The following CADM2 variants were observed in gnomAD, a reference collection of about 807,000 sequenced individuals.
The protein encoded by CADM2 is immunoglobulin superfamily member 4D.
A neutral mutation model predicts 49.8 loss-of-function variants in CADM2; 12 were observed. That is an observed-to-expected ratio of 0.24 (90% CI 0.15 to 0.39). The LOEUF (loss-of-function observed/expected upper bound fraction) is 0.39. Among genes scored for constraint, CADM2 ranks in the 10% least tolerant of loss-of-function variants. The pLI, the probability that CADM2 is intolerant of heterozygous loss-of-function variation, is 1.00. For missense variants in CADM2, 378 were observed against 492.3 expected (o/e 0.77, Z 2.20); for synonymous variants, 214 against 175.4 (o/e 1.22, Z -1.74).
At chr3:86,027,238 T>C (rs1734010216) in intron 8 of CADM2, among the ~76,000 whole-genome samples, 1 of 152,184 alleles carries the variant, frequency 6.6e-6, no homozygotes, top group African/African-American at 2.4e-5. Flanking sequence ...GTTTATGCTC[T>C]TAGATTTTCT....
At chr3:85,181,872 T>C (rs1209956862) in intron 1 of CADM2, among the ~76,000 whole-genome samples, 3 of 149,664 alleles carry the variant, frequency 2.0e-5, no homozygotes, top group Non-Finnish European at 3.0e-5. Flanking sequence ...TAATTTACCG[T>C]GTAAGAATTG....
intron 1 of CADM2, among the ~76,000 whole-genome samples, chr3:85,505,797 T>G (rs2040324497): frequency 6.6e-6 from 1 of 152,216 alleles, no homozygotes; most frequent in Non-Finnish European, 1.5e-5. Flanking sequence ...ATGCAGTAAT[T>G]GATTTTCCAT....
chr3:85,066,444 C>T (rs1447329687), intron 1 of CADM2, among the ~76,000 whole-genome samples: 1 of 151,820 alleles, frequency 6.6e-6, no homozygotes, highest in Non-Finnish European at 1.5e-5. Context: ...ATTGGGGGTT[C>T]AAACTGTTGA....
At chr3:85,805,057 C>T (rs1282708337) in intron 3 of CADM2, among the ~76,000 whole-genome samples, 1 of 152,128 alleles carries the variant, frequency 6.6e-6, no homozygotes, top group Non-Finnish European at 1.5e-5. Context: ...TCTCCTGCCT[C>T]AGCCTCCTGA....
rs1373079023 is a variant in CADM2 at position 85,789,959 on chromosome 3, A to T, written c.89-12088A>T. ...TAAAAATCTGATAATGTTTTAAGAC[A>T]TGCTAAAGCAATGCAGCCACTGGGT... On this transcript the variant is annotated intron_variant, in intron 2 of 9. Coordinates refer to ENST00000383699, the MANE Select transcript of CADM2 (RefSeq NM_001167675.2). 2.0e-5 allele frequency among the ~76,000 whole-genome samples: 3 copies of T among 152,318 alleles called. No homozygotes were observed. In the South Asian group the frequency reaches 6.2e-4, roughly 32 times the overall value.
chr3:85,333,665 A>G (rs2044999447), intron 1 of CADM2, among the ~76,000 whole-genome samples: 1 of 151,806 alleles, frequency 6.6e-6, no homozygotes, highest in Non-Finnish European at 1.5e-5. Flanking sequence ...TTGCTATTTA[A>G]AATAGTTTTC....
intron 8 of CADM2, among the ~76,000 whole-genome samples, chr3:86,036,372 C>T (rs933112182): frequency 5.3e-5 from 8 of 152,082 alleles, no homozygotes; most frequent in African/African-American, 1.9e-4. Context: ...TACCATTCTT[C>T]TGAGTTGTGT....
intron 1 of CADM2, among the ~76,000 whole-genome samples, chr3:85,132,301 A>G: frequency 6.6e-6 from 1 of 152,162 alleles, no homozygotes; most frequent in East Asian, 1.9e-4. Context: ...GTGACTACCT[A>G]AGGAAACCTT....
In CADM2 at chr3:85,085,620, C is replaced by G. The variant is rs189715090; in HGVS notation, c.61+125952C>G. Reference sequence around the variant, plus strand: ...CGTGCTACTTTGCTGCATATCACTTCTTAGTTAGTTTTTCTTTACAAGTCT... The same window carrying G: ...CGTGCTACTTTGCTGCATATCACTTGTTAGTTAGTTTTTCTTTACAAGTCT... On this transcript the variant is annotated intron_variant, in intron 1 of 9. Transcript: ENST00000383699. Among the ~76,000 whole-genome samples the G allele has an allele frequency of 8.5e-5, 13 of 152,196 alleles. No homozygotes were observed. The East Asian group carries it at 2.3e-3, about 27-fold the overall frequency.
In CADM2 at chr3:85,160,500, C is replaced by T. The variant is rs1042773719; in HGVS notation, c.61+200832C>T. Among the ~76,000 whole-genome samples the T allele has an allele frequency of 3.3e-5, 5 of 152,192 alleles. No individual in the cohort carries two copies. In the South Asian group the frequency reaches 8.3e-4, roughly 25 times the overall value. On this transcript the variant is annotated intron_variant, in intron 1 of 9. Coordinates refer to ENST00000383699, the MANE Select transcript of CADM2 (RefSeq NM_001167675.2). ...CCTTCATTCACATCTACAGTAGGGT[C>T]TCCTCTAAGATTATCTATTTGTTGC...
At chr3:85,979,301 G>A (rs777537371) in intron 8 of CADM2, 7 of 1,607,270 alleles carry the variant, frequency 4.4e-6, no homozygotes, top group African/African-American at 1.3e-5. Flanking sequence ...ATGTTTCTTT[G>A]TTATAGCCTG....
chr3:85,120,340 C>T (rs2038808129), intron 1 of CADM2, among the ~76,000 whole-genome samples: 1 of 152,110 alleles, frequency 6.6e-6, no homozygotes, highest in South Asian at 2.1e-4. Flanking sequence ...TGGGTATATA[C>T]CCAAAGGATT....
chr3:85,142,509 T>C (rs2039607724), intron 1 of CADM2, among the ~76,000 whole-genome samples: 1 of 152,218 alleles, frequency 6.6e-6, no homozygotes, highest in Admixed American at 6.5e-5. Flanking sequence ...AAGCCTTTCC[T>C]CCATCCTCAT....
intron 8 of CADM2, among the ~76,000 whole-genome samples, chr3:85,972,733 T>A (rs1726303752): frequency 6.6e-6 from 1 of 151,720 alleles, no homozygotes; most frequent in South Asian, 2.1e-4. Flanking sequence ...GAAAAGCTCG[T>A]TATTGGAAAA....
At chr3:85,953,603 T>C (rs139929532) in intron 7 of CADM2, among the ~76,000 whole-genome samples, 88 of 151,104 alleles carry the variant, frequency 5.8e-4, no homozygotes, top group African/African-American at 2.0e-3. Flanking sequence ...TGATGTTTCA[T>C]AACTCATTTA....
chr3:85,811,857 GT>G (rs754800114), intron 3 of CADM2, among the ~76,000 whole-genome samples: 7,547 of 115,358 alleles, frequency 0.065, 409 homozygotes, highest in African/African-American at 0.18. Flanking sequence ...ATGCCTTGAT[GT>G]TTTTTTTTTT....
chr3:85,732,689 T>C (rs1699024175), intron 2 of CADM2, among the ~76,000 whole-genome samples: 4 of 152,226 alleles, frequency 2.6e-5, no homozygotes. Context: ...TGTTACCATG[T>C]GTGAGACATT....
chr3:85,496,133 T>C (rs1256601230), intron 1 of CADM2, among the ~76,000 whole-genome samples: 1 of 152,216 alleles, frequency 6.6e-6, no homozygotes, highest in Non-Finnish European at 1.5e-5. Context: ...TTTGGGCTTC[T>C]ATTGATCCCA....
chr3:85,847,884 C>T (rs6787851), intron 3 of CADM2, among the ~76,000 whole-genome samples: 52,529 of 151,954 alleles, frequency 0.35, 9,670 homozygotes, highest in East Asian at 0.56. Context: ...CCGTCCTTGG[C>T]TGAACCAGTT....
Sources: allele counts gnomAD v4.1 joint callset (sites outside exome capture counted in the v4.1 genomes callset), GRCh38; gene constraint gnomAD v4.1.1; transcripts MANE v1.5; gene names NCBI Gene and HGNC (gene_info 2026-07-23, HGNC 2026-07-21).